The following PPP2R5E variants were observed in gnomAD, a reference collection of about 807,000 sequenced individuals.
PPP2R5E encodes the protein serine/threonine-protein phosphatase 2A 56 kDa regulatory subunit epsilon isoform.
In PPP2R5E, 4 loss-of-function variants were observed where a neutral mutation model predicts 65.3. The observed-to-expected ratio is 0.06, with a 90% confidence interval of 0.03 to 0.14. PPP2R5E has a LOEUF of 0.14. PPP2R5E is among the 10% of genes least tolerant of loss of function. The pLI is 1.00. For missense variants in PPP2R5E, 274 were observed against 556.1 expected, an observed-to-expected ratio of 0.49 and a Z score of 5.10; for synonymous variants, 183 against 187.4, an observed-to-expected ratio of 0.98 and a Z score of 0.19.
At chr14:63,484,351 A>T (rs56770105) in intron 2 of PPP2R5E, among the ~76,000 whole-genome samples, 3,820 of 124,140 alleles carry the variant, frequency 0.031, 159 homozygotes, top group African/African-American at 0.12. Context: ...TCTCTCTCAC[A>T]CACACACACA....
chr14:63,415,255 A>G (rs371101284), intron 4 of PPP2R5E, 23 bp from the exon 5 acceptor site: 3 of 1,519,374 alleles, frequency 2.0e-6, no homozygotes, highest in Non-Finnish European at 2.7e-6. Flanking sequence ...GATTATAATT[A>G]ATTTCAAATT....
At chr14:63,454,165 A>C (rs1197904082) in intron 2 of PPP2R5E, among the ~76,000 whole-genome samples, 1 of 152,228 alleles carries the variant, frequency 6.6e-6, no homozygotes, top group Non-Finnish European at 1.5e-5. Context: ...GGTTGAAGCA[A>C]ATTTTAACCA....
intron 2 of PPP2R5E, among the ~76,000 whole-genome samples, chr14:63,533,067 T>A (rs1456520978): frequency 6.6e-6 from 1 of 152,112 alleles, no homozygotes; most frequent in Non-Finnish European, 1.5e-5. Flanking sequence ...ACTCCTGGGC[T>A]CAAGTAATCC....
intron 3 of PPP2R5E, among the ~76,000 whole-genome samples, chr14:63,426,372 A>C (rs565760896): frequency 1.3e-5 from 2 of 152,212 alleles, no homozygotes; most frequent in South Asian, 4.1e-4. Context: ...ACTCAGTGGA[A>C]TATTGTGCAG....
At chr14:63,523,762 A>G (rs563153575) in intron 2 of PPP2R5E, among the ~76,000 whole-genome samples, 1 of 151,348 alleles carries the variant, frequency 6.6e-6, no homozygotes, top group South Asian at 2.1e-4. Context: ...AAAAAAAATT[A>G]ATTTGATGAG....
At chr14:63,529,527 GTTT>G (rs932660884) in intron 2 of PPP2R5E, among the ~76,000 whole-genome samples, 2 of 150,798 alleles carry the variant, frequency 1.3e-5, no homozygotes, top group Admixed American at 6.6e-5. Context: ...CGCCCGGCTA[GTTT>G]TTTTTTGTTG....
chr14:63,419,197 A>AGCAGTCAATTAGCTGGGCAATGAGC (rs1308449703), intron 4 of PPP2R5E, among the ~76,000 whole-genome samples: 2 of 152,152 alleles, frequency 1.3e-5, no homozygotes, highest in African/African-American at 4.8e-5. Context: ...GGTATGCAGG[A>AGCAGTCAATTAGCTGGGCAATGAGC]GCAGTCAATT....
At chr14:63,488,454 T>C (rs2180876) in intron 2 of PPP2R5E, among the ~76,000 whole-genome samples, 49,491 of 151,934 alleles carry the variant, frequency 0.33, 10,653 homozygotes, top group African/African-American at 0.62. Context: ...CCTCCCACTT[T>C]GGCCTCCCAA....
intron 13 of PPP2R5E, among the ~76,000 whole-genome samples, chr14:63,376,445 C>A (rs911118315): frequency 2.1e-5 from 3 of 144,762 alleles, no homozygotes; most frequent in African/African-American, 5.4e-5. Context: ...ATTTTTCCCA[C>A]CTCATGCATA....
chr14:63,520,172 A>T (rs1178292000), intron 2 of PPP2R5E, among the ~76,000 whole-genome samples: 1 of 152,024 alleles, frequency 6.6e-6, no homozygotes, highest in Non-Finnish European at 1.5e-5. Flanking sequence ...AGTAGCTGGG[A>T]CTACTGGCGC....
intron 3 of PPP2R5E, chr14:63,452,853 A>G (rs536415445): frequency 6.6e-6 from 1 of 152,362 alleles, no homozygotes; most frequent in South Asian, 2.1e-4. Context: ...CAGTACACAG[A>G]GAGTGTGCCA....
chr14:63,460,372 G>A (rs532275718), intron 2 of PPP2R5E, among the ~76,000 whole-genome samples: 11 of 152,248 alleles, frequency 7.2e-5, no homozygotes, highest in East Asian at 5.8e-4. Flanking sequence ...GTCTTGCTGC[G>A]GAGGAGGGAA....
rs538445475 is a variant in PPP2R5E, at chr14:63,515,686, A to T, written c.157+23843T>A. 1.6e-4 allele frequency among the ~76,000 whole-genome samples: 24 copies of T among 149,494 alleles called. 1 individual carries two copies. The highest frequency in any genetic ancestry group is 3.7e-3 in the Middle Eastern group (1 of 272). On this transcript the variant is annotated intron_variant, in intron 2 of 13. Transcript: ENST00000337537. ...CAGGTGCCTGCCACCATGCCTGGCT[A>T]ATTTTTGTATTTTTAGTAGAAATGG...
intron 5 of PPP2R5E, among the ~76,000 whole-genome samples, chr14:63,398,660 C>A (rs1413158598): frequency 5.9e-5 from 9 of 152,126 alleles, no homozygotes; most frequent in Non-Finnish European, 1.3e-4. Flanking sequence ...CGTGCTGGCA[C>A]ATGCCTGTAA....
chr14:63,430,353 A>ACATACATACATGCATACATG (rs1566696277), intron 3 of PPP2R5E, among the ~76,000 whole-genome samples: 190 of 132,296 alleles, frequency 1.4e-3, no homozygotes, highest in Admixed American at 2.4e-3. Context: ...ATGTATACAT[A>ACATACATACATGCATACATG]CATACATACA....
chr14:63,382,641 T>C (rs1884434161), intron 12 of PPP2R5E, among the ~76,000 whole-genome samples: 1 of 152,146 alleles, frequency 6.6e-6, no homozygotes. Context: ...CCTCAGGTGA[T>C]CTGCCTGCCT....
At chr14:63,521,644 T>G (rs188146470) in intron 2 of PPP2R5E, among the ~76,000 whole-genome samples, 1 of 152,076 alleles carries the variant, frequency 6.6e-6, no homozygotes, top group Admixed American at 6.6e-5. Context: ...GTCTGGTGAA[T>G]AGAGCAAGAC....
intron 2 of PPP2R5E, among the ~76,000 whole-genome samples, chr14:63,471,830 G>A (rs899994893): frequency 2.6e-5 from 4 of 152,128 alleles, no homozygotes; most frequent in South Asian, 4.2e-4. Context: ...TATCTACAAC[G>A]TACACTGGAG....
At chr14:63,475,220 G>GTT (rs1890349141) in intron 2 of PPP2R5E, among the ~76,000 whole-genome samples, 1 of 152,214 alleles carries the variant, frequency 6.6e-6, no homozygotes, top group Non-Finnish European at 1.5e-5. Context: ...CTTCCCTAGA[G>GTT]AAAGGTTCTG....
Sources: gnomAD v4.1 joint callset for allele counts (sites outside exome capture counted in the v4.1 genomes callset) on GRCh38, gnomAD v4.1.1 for gene constraint, MANE v1.5 for transcripts, NCBI Gene and HGNC (gene_info 2026-07-23, HGNC 2026-07-21) for gene names.